Variants in VWA3A observed in about 807,000 individuals in gnomAD.
VWA3A encodes the protein von Willebrand factor A domain-containing protein 3A.
In VWA3A, 134 loss-of-function variants were observed where a neutral mutation model predicts 160.4. The observed-to-expected ratio is 0.84, with a 90% CI of 0.73 to 0.96. The LOEUF is 0.96. VWA3A is among the 40% of genes least tolerant of loss of function. VWA3A has a pLI of 0.00. For missense variants in VWA3A, 1,310 were observed against 1,447.9 expected (o/e 0.90, Z 1.55); for synonymous variants, 476 against 543.4 (o/e 0.88, Z 1.72).
At chr16:22,138,579 G>C in intron 22 of VWA3A, 67 bp downstream of exon 22, 1 of 1,591,606 alleles carries the variant, frequency 6.3e-7, no homozygotes, top group East Asian at 2.2e-5. Context: ...TCTTTCCTGG[G>C]TCTTAAAATG....
At chr16:22,093,945 T>TC (rs1901436960) in intron 1 of VWA3A, among the ~76,000 whole-genome samples, 1 of 151,408 alleles carries the variant, frequency 6.6e-6, no homozygotes, top group African/African-American at 2.4e-5. Context: ...TTGTATTTTT[T>TC]TTTTTTTTAT....
At chr16:22,107,264 T>TGCTGAAGGA (rs1173178049) in intron 6 of VWA3A, among the ~76,000 whole-genome samples, 1 of 152,192 alleles carries the variant, frequency 6.6e-6, no homozygotes, top group Non-Finnish European at 1.5e-5. Flanking sequence ...AGGTTGTCAT[T>TGCTGAAGGA]GCTGAAGGAG....
intron 5 of VWA3A, among the ~76,000 whole-genome samples, chr16:22,102,122 A>G (rs1204571610): frequency 6.6e-6 from 1 of 152,174 alleles, no homozygotes; most frequent in Non-Finnish European, 1.5e-5. Context: ...AGGTCAAGGC[A>G]GGAGGATCGC....
intron 27 of VWA3A, among the ~76,000 whole-genome samples, chr16:22,146,964 G>A (rs923639717): frequency 2.6e-5 from 4 of 152,102 alleles, no homozygotes; most frequent in Non-Finnish European, 5.9e-5. Context: ...TATTGACTGC[G>A]CCCCAGCAAA....
intron 11 of VWA3A, 68 bp downstream of exon 11, chr16:22,117,244 G>A: frequency 1.3e-6 from 2 of 1,505,536 alleles, no homozygotes; most frequent in African/African-American, 1.4e-5. Flanking sequence ...TTGTACCCAG[G>A]AGATCTGGGC....
chr16:22,115,058 C>T (rs2045610439), intron 8 of VWA3A, among the ~76,000 whole-genome samples: 1 of 152,054 alleles, frequency 6.6e-6, no homozygotes, highest in South Asian at 2.1e-4. Context: ...CCACCCACCT[C>T]GGCCCCCAAA....
intron 27 of VWA3A, among the ~76,000 whole-genome samples, chr16:22,147,060 C>A (rs1329811851): frequency 2.0e-5 from 3 of 152,188 alleles, no homozygotes; most frequent in Non-Finnish European, 4.4e-5. Flanking sequence ...GGGTCTTTCT[C>A]TGTCACCTAG....
In VWA3A at chr16:22,141,593, C is replaced by A. The variant is rs752314494; in HGVS notation, c.2395C>A (p.Pro799Thr). Reference protein sequence around the residue: ...RVGISPAAAQPTKEGMMELRR... With the variant: ...RVGISPAAAQTTKEGMMELRR... The stretch of plus-strand genomic sequence containing the variant: ...CAAATGTTCCTCAGCTGCGGCCCAG[C>A]CAACGAAAGAAGGGATGATGGAACT... The change falls in exon 24 of 34, where the codon CCA (proline) becomes ACA (threonine). Residue 799 changes from proline to threonine, a missense_variant. By Grantham distance (38) the Pro-to-Thr change is conservative. Coordinates refer to ENST00000389398, the MANE Select transcript of VWA3A (RefSeq NM_173615.5). The A allele has an allele frequency of 1.9e-6, 3 of 1,610,786 alleles. No individual in the cohort carries two copies. The highest frequency in any genetic ancestry group is 2.5e-6 in the Non-Finnish European group (3 of 1,178,620).
chr16:22,137,423 G>C (rs942909427), intron 21 of VWA3A, among the ~76,000 whole-genome samples: 2 of 152,198 alleles, frequency 1.3e-5, no homozygotes. Context: ...ATGGAAGGGT[G>C]CTGGCTTTGG....
chr16:22,155,261 T>C (rs1252051901), intron 31 of VWA3A, among the ~76,000 whole-genome samples: 2 of 152,090 alleles, frequency 1.3e-5, no homozygotes, highest in Non-Finnish European at 2.9e-5. Flanking sequence ...GGAAACGGTG[T>C]CATTTCTGTT....
At chr16:22,139,007 G>A (rs2046095894) in intron 22 of VWA3A, among the ~76,000 whole-genome samples, 1 of 151,966 alleles carries the variant, frequency 6.6e-6, no homozygotes, top group South Asian at 2.1e-4. Flanking sequence ...CAATCAGAAG[G>A]GCTCTAGAGG....
At chr16:22,150,267 G>A (rs997439240) in intron 29 of VWA3A, among the ~76,000 whole-genome samples, 1 of 152,168 alleles carries the variant, frequency 6.6e-6, no homozygotes, top group South Asian at 2.1e-4. Flanking sequence ...CGGGCGTGGT[G>A]GCACATGCCT....
At chr16:22,125,239 A>G (rs2045825009) in intron 16 of VWA3A, among the ~76,000 whole-genome samples, 1 of 151,518 alleles carries the variant, frequency 6.6e-6, no homozygotes, top group Non-Finnish European at 1.5e-5. Flanking sequence ...AATTTAAATT[A>G]GCCAGGCATG....
At chr16:22,141,493 C>A in intron 23 of VWA3A, 89 bp from the exon 24 acceptor site, 3 of 1,240,198 alleles carry the variant, frequency 2.4e-6, no homozygotes, top group Non-Finnish European at 3.4e-6. Flanking sequence ...TGGAGTATAG[C>A]TGAACTTGAG....
At chr16:22,124,186 CA>C (rs11426931) in intron 16 of VWA3A, among the ~76,000 whole-genome samples, 93 of 46,594 alleles carry the variant, frequency 2.0e-3, no homozygotes, top group African/African-American at 2.2e-3. Flanking sequence ...GTGTCTACCA[CA>C]AAAAAAAAAA....
Position 22,144,301 on chromosome 16 carries a change from G to A in VWA3A, c.2647G>A (p.Gly883Ser). 6.2e-7 allele frequency: 1 copy of A among 1,613,784 alleles called. No individual in the cohort carries two copies. Among genetic ancestry groups the A allele is most frequent in the Non-Finnish European group, 8.5e-7 (1 of 1,179,848 alleles). ...GAAGCTGGAGATTTCCAGATGCATG[G>A]GTCCCAACTGCACTCATCAAAAGTC... ...KLKLEISRCM[G>S]PNCTHQKSGQ... is the part of the protein sequence containing the mutation. The change falls in exon 26 of 34, where the codon GGT becomes AGT. Residue 883 changes from glycine (G) to serine (S), a missense_variant. Transcript: ENST00000389398.
chr16:22,127,705 T>G (rs2141942598), intron 17 of VWA3A, among the ~76,000 whole-genome samples: 1 of 152,322 alleles, frequency 6.6e-6, no homozygotes, highest in East Asian at 1.9e-4. Flanking sequence ...CAATGTTTCA[T>G]TGACAATCTG....
rs372417728 is a variant in VWA3A, at chr16:22,136,442, G to A, written c.2140-1918G>A. ...ACAAGTGAGGGTACCCTACAGGCAGGTGGGAAAAGACATGGCTGGAGATGG... is the reference window on the plus strand; with the variant it reads ...ACAAGTGAGGGTACCCTACAGGCAGATGGGAAAAGACATGGCTGGAGATGG... On this transcript the variant is annotated intron_variant, in intron 21 of 33. Transcript: ENST00000389398. 2.0e-5 allele frequency among the ~76,000 whole-genome samples: 3 copies of A among 152,236 alleles called. No homozygotes were observed. In the East Asian group the frequency reaches 5.8e-4, roughly 29 times the overall value.
Position 22,126,211 on chromosome 16 carries a change from T to C in VWA3A, c.1566T>C (p.Asn522=). 6.2e-7 allele frequency: 1 copy of C among 1,613,938 alleles called. No individual in the cohort carries two copies. The highest frequency in any genetic ancestry group is 2.2e-5 in the East Asian group (1 of 44,882). ...TACTGCTCGATATCTCTGCGACCAA[T>C]TCCATGTACATTATTCATATCCAGC... ...VVVLLDISAT[N]SMYIIHIQHS... is the part of the protein sequence containing the mutation. The change falls in exon 17 of 34, where the codon AAT becomes AAC. Residue 522 remains asparagine (N), a synonymous_variant. Transcript: ENST00000389398.
Sources: gnomAD v4.1 joint callset for allele counts (sites outside exome capture counted in the v4.1 genomes callset) on GRCh38, gnomAD v4.1.1 for gene constraint, MANE v1.5 for transcripts, NCBI Gene and HGNC (gene_info 2026-07-23, HGNC 2026-07-21) for gene names.